Variants in NRG3 observed in about 807,000 individuals in gnomAD.
NRG3 encodes the protein neuregulin 3.
In NRG3, 31 loss-of-function variants were observed where a neutral mutation model predicts 66.9. The observed-to-expected ratio is 0.46, with a 90% CI of 0.35 to 0.63. The LOEUF is 0.63. Ranked by LOEUF, NRG3 falls within the 20% of genes least tolerant of loss-of-function variation. NRG3 has a pLI of 0.00. For synonymous variants in NRG3, 393 were observed against 359.4 expected, an observed-to-expected ratio of 1.09 and a Z score of -1.06; for missense variants, 910 against 878.9, an observed-to-expected ratio of 1.04 and a Z score of -0.45.
intron 1 of NRG3, among the ~76,000 whole-genome samples, chr10:82,280,712 C>T (rs1358730098): frequency 6.6e-6 from 1 of 152,212 alleles, no homozygotes; most frequent in East Asian, 1.9e-4. Context: ...AACTTCTCTA[C>T]TCACTCATCC....
intron 3 of NRG3, among the ~76,000 whole-genome samples, chr10:82,761,071 T>C (rs2059285522): frequency 6.6e-6 from 1 of 151,844 alleles, no homozygotes; most frequent in South Asian, 2.1e-4. Flanking sequence ...TTTTTAAAAA[T>C]CTACAGATGA....
At chr10:82,748,345 A>G (rs1185336596) in intron 3 of NRG3, among the ~76,000 whole-genome samples, 1 of 151,398 alleles carries the variant, frequency 6.6e-6, no homozygotes, top group Non-Finnish European at 1.5e-5. Context: ...GGGTGACCAT[A>G]TAACTTATCA....
At chr10:82,570,791 G>T (rs1251511026) in intron 2 of NRG3, among the ~76,000 whole-genome samples, 2 of 151,582 alleles carry the variant, frequency 1.3e-5, no homozygotes, top group African/African-American at 2.4e-5. Context: ...TGATTTTCTG[G>T]AGGACTCATA....
In NRG3 at chr10:82,333,794, A is replaced by G. The variant is rs2082255602; in HGVS notation, c.824-24945A>G. Among the ~76,000 whole-genome samples the G allele has an allele frequency of 2.6e-5, 4 of 152,220 alleles. No homozygotes were observed. The South Asian group carries it at 8.3e-4, about 32-fold the overall frequency. On this transcript the variant is annotated intron_variant, in intron 1 of 8. Coordinates refer to ENST00000372141, the MANE Select transcript of NRG3 (RefSeq NM_001010848.4). The stretch of plus-strand genomic sequence containing the variant: ...CCTTATTCTCTTTTCTCATGGAAAA[A>G]TGTCGTGCCCTGGCCAGGGAGGAGG...
At position 82,379,251 on chromosome 10, in the gene NRG3, C is replaced by T. The variant is rs138835566; in HGVS notation, c.953+20383C>T. Among the ~76,000 whole-genome samples, 827 of 152,252 alleles carry T rather than the reference C, an allele frequency of 5.4e-3. 2 individuals carry two copies. Among genetic ancestry groups the T allele is most frequent in the South Asian group, 0.016 (79 of 4,828 alleles). On this transcript the variant is annotated intron_variant, in intron 2 of 8. Coordinates refer to ENST00000372141, the MANE Select transcript of NRG3 (RefSeq NM_001010848.4). The stretch of plus-strand genomic sequence containing the variant: ...TTTCCACTCTAACACCGTAGGAGGA[C>T]TGCAAGTCTAACGAAGTCTAGCCAT...
intron 1 of NRG3, among the ~76,000 whole-genome samples, chr10:82,057,994 A>G (rs1433301715): frequency 6.7e-6 from 1 of 150,290 alleles, no homozygotes; most frequent in Admixed American, 6.6e-5. Context: ...TTTTCTTTGT[A>G]AAGCCTTCTA....
chr10:82,634,171 A>C (rs961993056), intron 2 of NRG3, among the ~76,000 whole-genome samples: 3 of 152,164 alleles, frequency 2.0e-5, no homozygotes, highest in African/African-American at 4.8e-5. Flanking sequence ...TTTTCCAAGA[A>C]TGAGCCATGT....
intron 3 of NRG3, among the ~76,000 whole-genome samples, chr10:82,747,039 C>T (rs919397522): frequency 2.6e-5 from 4 of 151,996 alleles, no homozygotes; most frequent in Non-Finnish European, 4.4e-5. Context: ...GTTGTGATTG[C>T]GCCACTGCAC....
chr10:82,139,829 A>G (rs999615316), intron 1 of NRG3, among the ~76,000 whole-genome samples: 1 of 152,176 alleles, frequency 6.6e-6, no homozygotes, highest in African/African-American at 2.4e-5. Flanking sequence ...AACCCTTCAT[A>G]TCTGAAGGTT....
chr10:81,997,429 A>G (rs1342243074), intron 1 of NRG3, among the ~76,000 whole-genome samples: 2 of 152,200 alleles, frequency 1.3e-5, no homozygotes, highest in African/African-American at 2.4e-5. Flanking sequence ...TCCTCCAGGA[A>G]TGGTCACCGC....
At chr10:82,086,987 G>A (rs1163345214) in intron 1 of NRG3, among the ~76,000 whole-genome samples, 1 of 152,088 alleles carries the variant, frequency 6.6e-6, no homozygotes, top group Non-Finnish European at 1.5e-5. Flanking sequence ...CAGAAAGGCA[G>A]GGCTATCAAT....
At chr10:82,678,166 T>G (rs1446622575) in intron 2 of NRG3, among the ~76,000 whole-genome samples, 3 of 152,196 alleles carry the variant, frequency 2.0e-5, no homozygotes, top group Non-Finnish European at 2.9e-5. Context: ...TCCTATCTAT[T>G]GGGAGACTGC....
intron 1 of NRG3, among the ~76,000 whole-genome samples, chr10:82,250,674 G>A (rs61863014): frequency 0.12 from 17,986 of 152,140 alleles, 1,134 homozygotes; most frequent in Non-Finnish European, 0.15. Context: ...ACTGTCTAGG[G>A]CTGAATTTTA....
intron 8 of NRG3, among the ~76,000 whole-genome samples, chr10:82,980,991 C>T (rs2132665479): frequency 1.3e-5 from 2 of 152,184 alleles, no homozygotes; most frequent in South Asian, 4.2e-4. Context: ...GTTACAAGAA[C>T]AAGTGAGGGA....
chr10:82,863,095 G>A (rs2064223249), intron 3 of NRG3, among the ~76,000 whole-genome samples: 1 of 152,144 alleles, frequency 6.6e-6, no homozygotes, highest in Non-Finnish European at 1.5e-5. Flanking sequence ...CCACTTATGA[G>A]TGAGAACATG....
intron 1 of NRG3, among the ~76,000 whole-genome samples, chr10:82,097,193 A>G (rs1368699649): frequency 6.6e-6 from 1 of 151,968 alleles, no homozygotes; most frequent in East Asian, 1.9e-4. Context: ...ATGAAAATGA[A>G]CACTCTTGAG....
intron 8 of NRG3, among the ~76,000 whole-genome samples, chr10:82,983,189 CTGT>C (rs1249974827): frequency 6.6e-6 from 1 of 152,190 alleles, no homozygotes. Context: ...TTTTTTGTCT[CTGT>C]TTCACTGGTG....
At chr10:82,682,135 G>C (rs1272785531) in intron 2 of NRG3, among the ~76,000 whole-genome samples, 1 of 152,188 alleles carries the variant, frequency 6.6e-6, no homozygotes, top group African/African-American at 2.4e-5. Flanking sequence ...GACTAGAGTA[G>C]GAGGAGGAAA....
chr10:82,577,969 T>G (rs1380482905), intron 2 of NRG3, among the ~76,000 whole-genome samples: 1 of 151,596 alleles, frequency 6.6e-6, no homozygotes, highest in African/African-American at 2.4e-5. Context: ...AGTCTTTATT[T>G]CCATGGTAAC....
Sources: allele counts gnomAD v4.1 joint callset (sites outside exome capture counted in the v4.1 genomes callset), GRCh38; gene constraint gnomAD v4.1.1; transcripts MANE v1.5; gene names NCBI Gene and HGNC (gene_info 2026-07-23, HGNC 2026-07-21).